ITGAE: variants seen among roughly 807,000 people sequenced by gnomAD.
ITGAE encodes integrin alpha-E.
Under a neutral mutation model 136.5 loss-of-function variants are expected in ITGAE, and 99 were observed. The ratio of observed to expected loss-of-function variants is 0.73; its 90% confidence interval spans 0.62 to 0.86. The LOEUF (loss-of-function observed/expected upper bound fraction) is 0.86, where lower values mean the gene tolerates loss of function less well. Among genes scored for constraint, ITGAE ranks in the 40% least tolerant of loss-of-function variants. The pLI is 0.00. For missense variants in ITGAE, 1,447 were observed against 1,515.3 expected (o/e 0.95, Z 0.75); for synonymous variants, 613 against 591.8 (o/e 1.04, Z -0.52).
In ITGAE at chr17:3,750,425, C is replaced by G. The variant is rs201483249; in HGVS notation, c.1951G>C (p.Gly651Arg). The change falls in exon 16 of 31, where the codon GGT (glycine) becomes CGT (arginine). Residue 651 changes from glycine to arginine, a missense_variant. Gly to Arg is a moderately radical substitution (Grantham distance 125). Transcript: ENST00000263087. ...CCGTCGCCACTAATATCAAAGCCAC[C>G]AGCCATGGACATGCCGAAGTACTGG... ...GLQYFGMSMAGGFDISGDGLA... is the reference protein window; with the variant it reads ...GLQYFGMSMARGFDISGDGLA... 1.1e-5 allele frequency: 18 copies of G among 1,614,218 alleles called. No homozygotes were observed. The African/African-American group carries it at 1.9e-4, about 17-fold the overall frequency.
rs374525538 is a variant in ITGAE, at chr17:3,761,435, C to T, written c.401G>A (p.Arg134His). Residue 134 changes from arginine to histidine, a missense_variant, in exon 5 of 31, where the codon CGT (arginine) becomes CAT (histidine). This residue lies in a region of ITGAE where 310 missense variants were observed against 416.1 expected (regional missense o/e 0.74). Coordinates refer to ENST00000263087, the MANE Select transcript of ITGAE (RefSeq NM_002208.5). ...GTCSLLGPDL[R>H]PQAQANFFDL... The stretch of plus-strand genomic sequence containing the variant: ...GAAGAAGTTGGCCTGAGCCTGGGGA[C>T]GGAGGTCAGGGCCCAGGAGGCTACA... 69 of 1,613,726 alleles carry T rather than the reference C, an allele frequency of 4.3e-5. No homozygotes were observed. In the East Asian group the frequency reaches 5.8e-4, roughly 14 times the overall value.
chr17:3,772,368 G>A (rs2052445017), intron 2 of ITGAE, among the ~76,000 whole-genome samples: 2 of 151,938 alleles, frequency 1.3e-5, no homozygotes, highest in African/African-American at 4.8e-5. Flanking sequence ...AATATTGCCT[G>A]GCACTGAGTA....
chr17:3,763,808 A>C (rs2052229623), intron 3 of ITGAE, 61 bp downstream of exon 3: 1 of 1,311,280 alleles, frequency 7.6e-7, no homozygotes. Flanking sequence ...AGTTTAGATG[A>C]GGGGGATTTT....
Position 3,739,865 on chromosome 17 carries a change from T to G in ITGAE, c.2462A>C (p.Lys821Thr), listed in dbSNP as rs1167097333. ...PFAIFQLPYE[K>T]ACKNKLFCVA... is the part of the protein sequence containing the mutation. Reference sequence around the variant, plus strand: ...ACAAAACAGCTTATTCTTGCAGGCCTTCTCATAGGGCAGCTGTAACCAGAC... The same window carrying G: ...ACAAAACAGCTTATTCTTGCAGGCCGTCTCATAGGGCAGCTGTAACCAGAC... The change falls in exon 20 of 31, where the codon AAG (lysine) becomes ACG (threonine). Residue 821 changes from lysine (K) to threonine (T), a missense_variant. Coordinates refer to ENST00000263087, the MANE Select transcript of ITGAE (RefSeq NM_002208.5). The G allele has an allele frequency of 1.2e-6, 2 of 1,614,114 alleles. No homozygotes were observed. Among genetic ancestry groups the G allele is most frequent in the Non-Finnish European group, 1.7e-6 (2 of 1,179,942 alleles).
At chr17:3,716,833 G>A in intron 29 of ITGAE, 35 bp from the exon 30 acceptor site, 1 of 1,261,892 alleles carries the variant, frequency 7.9e-7, no homozygotes, top group Non-Finnish European at 1.2e-6. Flanking sequence ...AATAAATCAG[G>A]TGAAGCAAAC....
intron 3 of ITGAE, among the ~76,000 whole-genome samples, chr17:3,763,320 T>TCATTCATA (rs1333478396): frequency 5.9e-5 from 9 of 152,010 alleles, no homozygotes; most frequent in Non-Finnish European, 1.2e-4. Flanking sequence ...ATTCATTCAT[T>TCATTCATA]CATTCATTCA....
chr17:3,777,408 C>A, intron 2 of ITGAE, 132 bp downstream of exon 2: 1 of 1,229,456 alleles, frequency 8.1e-7, no homozygotes, highest in Non-Finnish European at 1.1e-6. Context: ...CCTGCATGCC[C>A]TTCTGAAAGA....
At chr17:3,789,267 A>G (rs930356065) in intron 1 of ITGAE, among the ~76,000 whole-genome samples, 1 of 152,064 alleles carries the variant, frequency 6.6e-6, no homozygotes, top group African/African-American at 2.4e-5. Flanking sequence ...ACGAAAAAGA[A>G]AATTTGCTAC....
chr17:3,743,705 C>CCT, intron 18 of ITGAE, 88 bp from the exon 19 acceptor site: 2 of 934,260 alleles, frequency 2.1e-6, no homozygotes, highest in Non-Finnish European at 2.9e-6. Flanking sequence ...TTCTTTTTTT[C>CCT]TTTTTTTTTT....
chr17:3,718,633 T>C (rs545623066), intron 29 of ITGAE, among the ~76,000 whole-genome samples: 3 of 152,354 alleles, frequency 2.0e-5, no homozygotes, highest in South Asian at 4.1e-4. Context: ...GCTTAGGATA[T>C]TGGATTTAAA....
intron 17 of ITGAE, among the ~76,000 whole-genome samples, chr17:3,746,554 C>T (rs1044185022): frequency 9.9e-5 from 15 of 151,858 alleles, no homozygotes; most frequent in African/African-American, 3.6e-4. Flanking sequence ...CTCCCGGGTT[C>T]ACACCATTCT....
In ITGAE at chr17:3,750,461, C is replaced by T; in HGVS notation, c.1915G>A (p.Ala639Thr). The T allele has an allele frequency of 6.2e-7, 1 of 1,614,096 alleles. No homozygotes were observed. The highest frequency in any genetic ancestry group is 8.5e-7 in the Non-Finnish European group (1 of 1,180,012). The change falls in exon 16 of 31, where the codon GCC becomes ACC. Residue 639 changes from alanine (A) to threonine (T), a missense_variant. Coordinates refer to ENST00000263087, the MANE Select transcript of ITGAE (RefSeq NM_002208.5). ...PSQRIRASTV[A>T]PGLQYFGMSM... ...ATGCCGAAGTACTGGAGTCCTGGGGCCACCGTGGAGGCTCTGATCCGCTGT... is the reference window on the plus strand; with the variant it reads ...ATGCCGAAGTACTGGAGTCCTGGGGTCACCGTGGAGGCTCTGATCCGCTGT...
In ITGAE at chr17:3,798,785, G is replaced by A. The variant is rs1772176567; in HGVS notation, c.34+2326C>T. 6.6e-6 allele frequency among the ~76,000 whole-genome samples: 1 copy of A among 152,236 alleles called. No individual in the cohort carries two copies. On this transcript the variant is annotated intron_variant, in intron 1 of 30. Coordinates refer to ENST00000263087, the MANE Select transcript of ITGAE (RefSeq NM_002208.5). The surrounding 1 kb of genome is among the most constrained non-coding windows in gnomAD (Gnocchi z 4.3). ...GAGACCCAGGATGGAGAAGTGAGTT[G>A]ATGTGACTGCAGAATGAGTCAGGGG...
At chr17:3,731,217 C>T in intron 22 of ITGAE, 34 bp from the exon 23 acceptor site, 1 of 1,531,392 alleles carries the variant, frequency 6.5e-7, no homozygotes, top group Non-Finnish European at 9.0e-7. Context: ...TCAGTTGATT[C>T]TCTCTATGCC....
chr17:3,795,530 A>G (rs1751847884), intron 1 of ITGAE, among the ~76,000 whole-genome samples: 1 of 152,226 alleles, frequency 6.6e-6, no homozygotes, highest in Non-Finnish European at 1.5e-5. Context: ...GGAAGATTGA[A>G]TATTTGTGTC....
chr17:3,724,394 C>T (rs372988538), intron 26 of ITGAE: 6 of 1,609,838 alleles, frequency 3.7e-6, no homozygotes, highest in Admixed American at 1.7e-5. Context: ...TCAGCGTGTG[C>T]GGCCAGCCCA....
intron 21 of ITGAE, among the ~76,000 whole-genome samples, chr17:3,733,072 C>T (rs2051382761): frequency 6.6e-6 from 1 of 152,152 alleles, no homozygotes; most frequent in Non-Finnish European, 1.5e-5. Context: ...CAACCTCCAC[C>T]TCCCGGGTTC....
At chr17:3,744,320 C>T (rs2051660424) in intron 18 of ITGAE, among the ~76,000 whole-genome samples, 1 of 152,136 alleles carries the variant, frequency 6.6e-6, no homozygotes, top group East Asian at 1.9e-4. Context: ...GAAAAATCTC[C>T]TTCATTCTAC....
At chr17:3,734,721 GGCAGGGGT>G in intron 21 of ITGAE, 88 bp downstream of exon 21, 1 of 1,472,980 alleles carries the variant, frequency 6.8e-7, no homozygotes, top group Non-Finnish European at 9.4e-7. Flanking sequence ...GGAGGCTGGA[GGCAGGGGT>G]GCCAGTGAGG....
Sources: allele counts gnomAD v4.1 joint callset (sites outside exome capture counted in the v4.1 genomes callset), GRCh38; gene constraint gnomAD v4.1.1; regional missense constraint gnomAD v4.1.1; non-coding constraint Gnocchi (gnomAD v3.1); transcripts MANE v1.5; gene names NCBI Gene and HGNC (gene_info 2026-07-23, HGNC 2026-07-21).